Variants in OR51B5 observed in about 807,000 individuals in gnomAD.
The protein encoded by OR51B5 is olfactory receptor 51B5.
For missense variants in OR51B5, 456 were observed against 374.6 expected, an observed-to-expected ratio of 1.22 and a Z score of -1.79; for synonymous variants, 186 against 144.8, an observed-to-expected ratio of 1.28 and a Z score of -2.04.
intron 1 of OR51B5, among the ~76,000 whole-genome samples, chr11:5,381,413 A>C (rs1849607896): frequency 6.6e-6 from 1 of 152,222 alleles, no homozygotes; most frequent in Admixed American, 6.5e-5. Context: ...ACCCACAGTG[A>C]TAGAGATAGG....
chr11:5,431,776 C>G (rs1208551287), intron 1 of OR51B5, among the ~76,000 whole-genome samples: 1 of 152,210 alleles, frequency 6.6e-6, no homozygotes, highest in Non-Finnish European at 1.5e-5. Context: ...GTATAACAGA[C>G]ATCCTCTTCT....
intron 1 of OR51B5, chr11:5,352,131 C>A: frequency 6.2e-7 from 1 of 1,614,174 alleles, no homozygotes; most frequent in Middle Eastern, 1.6e-4. Flanking sequence ...TCTTGTTGGA[C>A]TTTCTCATCA....
At chr11:5,385,036 C>G (rs1310730241) in intron 1 of OR51B5, among the ~76,000 whole-genome samples, 2 of 152,168 alleles carry the variant, frequency 1.3e-5, no homozygotes, top group Non-Finnish European at 2.9e-5. Context: ...TAAATTCAAA[C>G]AAAAGAATAT....
intron 1 of OR51B5, among the ~76,000 whole-genome samples, chr11:5,348,947 G>A (rs556612673): frequency 1.4e-4 from 21 of 152,098 alleles, no homozygotes; most frequent in Non-Finnish European, 2.5e-4. Context: ...AAAAGTGAAG[G>A]AAAAAAGCCA....
rs145612844 is a variant in OR51B5, at chr11:5,453,517, C to T, written n.84+52052G>A. The T allele has an allele frequency of 1.6e-4, 259 of 1,576,088 alleles. No individual in the cohort carries two copies. The African/African-American group carries it at 2.9e-3, about 18-fold the overall frequency. On this transcript the variant is annotated intron_variant and non_coding_transcript_variant, in intron 1 of 4. Transcript: ENST00000415970. ...GGGTTGTTCAATGTCACTCACCCTGCATTCTTCCTCCTGACTGGTATCCCT... is the reference window on the plus strand; with the variant it reads ...GGGTTGTTCAATGTCACTCACCCTGTATTCTTCCTCCTGACTGGTATCCCT...
chr11:5,404,412 G>A (rs1350183292), intron 1 of OR51B5, among the ~76,000 whole-genome samples: 5 of 152,068 alleles, frequency 3.3e-5, no homozygotes, highest in Admixed American at 2.6e-4. Context: ...CTGTAAAAAC[G>A]CACCAACTAG....
intron 1 of OR51B5, among the ~76,000 whole-genome samples, chr11:5,475,255 C>T (rs1228954937): frequency 1.3e-5 from 2 of 152,178 alleles, no homozygotes; most frequent in East Asian, 1.9e-4. Context: ...TGATAAAATC[C>T]GAACACTCAT....
chr11:5,416,512 G>C (rs988161603), intron 1 of OR51B5, among the ~76,000 whole-genome samples: 1 of 151,482 alleles, frequency 6.6e-6, no homozygotes, highest in African/African-American at 2.4e-5. Flanking sequence ...TGACATGATT[G>C]TATATCTAGA....
chr11:5,354,741 C>A, intron 1 of OR51B5: 1 of 179,500 alleles, frequency 5.6e-6, no homozygotes, highest in South Asian at 1.1e-4. Flanking sequence ...GGAAGAGACT[C>A]AGCCACTCAC....
exon 1 of OR51B5, chr11:5,505,582 T>C: frequency 1.2e-6 from 1 of 863,338 alleles, no homozygotes; most frequent in South Asian, 1.8e-5. Context: ...TCCACATAGC[T>C]GGGGAGGCCT....
intron 1 of OR51B5, chr11:5,489,814 C>T (rs1421202971): frequency 1.6e-6 from 1 of 641,660 alleles, no homozygotes; most frequent in Non-Finnish European, 2.8e-6. Context: ...TCAGAGCTAT[C>T]AATTATCACA....
chr11:5,351,426 G>C, intron 1 of OR51B5: 1 of 1,058,796 alleles, frequency 9.4e-7, no homozygotes, highest in Non-Finnish European at 1.4e-6. Flanking sequence ...TGAACAGGTA[G>C]AATTCTCAAG....
At chr11:5,483,704 GCTT>G (rs1307617174) in intron 1 of OR51B5, among the ~76,000 whole-genome samples, 1 of 151,898 alleles carries the variant, frequency 6.6e-6, no homozygotes, top group Admixed American at 6.6e-5. Context: ...ATTATCAACT[GCTT>G]CTTATCTTTC....
intron 1 of OR51B5, among the ~76,000 whole-genome samples, chr11:5,365,971 AC>A (rs1849358431): frequency 6.6e-6 from 1 of 152,182 alleles, no homozygotes; most frequent in Admixed American, 6.5e-5. Flanking sequence ...TGAGAACCAC[AC>A]AAACTGAAGA....
chr11:5,450,114 C>A (rs572624922), intron 1 of OR51B5, among the ~76,000 whole-genome samples: 2 of 152,222 alleles, frequency 1.3e-5, no homozygotes, highest in African/African-American at 4.8e-5. Flanking sequence ...ATACACCAGG[C>A]GTGGTGGCTC....
At chr11:5,467,670 A>T (rs1330648296) in intron 1 of OR51B5, among the ~76,000 whole-genome samples, 3 of 152,202 alleles carry the variant, frequency 2.0e-5, no homozygotes, top group African/African-American at 7.2e-5. Context: ...GAATTTGCTG[A>T]CAGCCTTCAG....
intron 1 of OR51B5, among the ~76,000 whole-genome samples, chr11:5,375,577 A>C (rs1459146774): frequency 6.6e-6 from 1 of 152,168 alleles, no homozygotes; most frequent in Non-Finnish European, 1.5e-5. Flanking sequence ...TCTCATGTGC[A>C]CACACACACA....
At chr11:5,459,563 G>A (rs1297667273) in intron 1 of OR51B5, among the ~76,000 whole-genome samples, 1 of 151,958 alleles carries the variant, frequency 6.6e-6, no homozygotes, top group Non-Finnish European at 1.5e-5. Flanking sequence ...TAAAAAGTGG[G>A]CAAAAGACAT....
chr11:5,471,038 T>A (rs1201983056), intron 1 of OR51B5, among the ~76,000 whole-genome samples: 1 of 152,232 alleles, frequency 6.6e-6, no homozygotes, highest in Non-Finnish European at 1.5e-5. Context: ...CAAGACCACA[T>A]AAGAACTTGT....
Sources: gnomAD v4.1 joint callset for allele counts (sites outside exome capture counted in the v4.1 genomes callset) on GRCh38, gnomAD v4.1.1 for gene constraint, MANE v1.5 for transcripts, NCBI Gene and HGNC (gene_info 2026-07-23, HGNC 2026-07-21) for gene names.